EPHA4: variants seen among roughly 807,000 people sequenced by gnomAD.
EPHA4 encodes the protein EPH receptor A4.
A neutral mutation model predicts 108.3 loss-of-function variants in EPHA4; 19 were observed. The observed-to-expected ratio is 0.18, with a 90% CI of 0.12 to 0.26. The LOEUF (loss-of-function observed/expected upper bound fraction) is 0.26. Ranked by LOEUF, EPHA4 falls within the 10% of genes least tolerant of loss-of-function variation. EPHA4 has a pLI of 1.00. For synonymous variants in EPHA4, 449 were observed against 455.5 expected, an observed-to-expected ratio of 0.99 and a Z score of 0.18; for missense variants, 917 against 1,254.0, an observed-to-expected ratio of 0.73 and a Z score of 4.06.
intron 8 of EPHA4, among the ~76,000 whole-genome samples, chr2:221,448,712 TA>T (rs1387797229): frequency 2.0e-5 from 3 of 152,140 alleles, no homozygotes; most frequent in Non-Finnish European, 4.4e-5. Flanking sequence ...CTAAAAGCAT[TA>T]TCTAAAATTA....
intron 3 of EPHA4, among the ~76,000 whole-genome samples, chr2:221,555,178 T>G (rs1694269773): frequency 6.6e-6 from 1 of 151,968 alleles, no homozygotes; most frequent in Admixed American, 6.6e-5. Context: ...GGGGCAGAGG[T>G]GCATAAAAAG....
At chr2:221,566,957 G>GAA (rs1553595972) in intron 2 of EPHA4, among the ~76,000 whole-genome samples, 1,335 of 5,824 alleles carry the variant, frequency 0.23, 415 homozygotes, top group Middle Eastern at 0.5. Flanking sequence ...AAGGAGAAGG[G>GAA]GAAGAGGAAG....
intron 3 of EPHA4, among the ~76,000 whole-genome samples, chr2:221,511,772 T>C (rs974008396): frequency 5.3e-5 from 8 of 152,242 alleles, no homozygotes; most frequent in Admixed American, 5.2e-4. Flanking sequence ...TAGAAGGCAG[T>C]ACAGCAACCT....
chr2:221,505,853 G>C (rs1277004597), intron 3 of EPHA4, among the ~76,000 whole-genome samples: 1 of 152,276 alleles, frequency 6.6e-6, no homozygotes, highest in Non-Finnish European at 1.5e-5. Flanking sequence ...AACCTACTTA[G>C]AAGAATCTGA....
chr2:221,572,405 C>T, upstream of EPHA4: 2 of 488,402 alleles, frequency 4.1e-6, no homozygotes, highest in South Asian at 2.2e-5. Flanking sequence ...GCGGCGCAGA[C>T]AGGGCGGCCG....
chr2:221,471,811 C>A (rs894707861), intron 5 of EPHA4, among the ~76,000 whole-genome samples: 3 of 152,152 alleles, frequency 2.0e-5, no homozygotes, highest in Admixed American at 2.0e-4. Context: ...CTGTTCATGG[C>A]TACAAAAGGA....
At chr2:221,504,856 C>A (rs929437806) in intron 3 of EPHA4, among the ~76,000 whole-genome samples, 19 of 152,104 alleles carry the variant, frequency 1.2e-4, no homozygotes, top group Admixed American at 1.1e-3. Flanking sequence ...TAAGGCCAAG[C>A]ATTTAACTCC....
At chr2:221,440,364 C>T (rs893464392) in intron 11 of EPHA4, among the ~76,000 whole-genome samples, 3 of 152,060 alleles carry the variant, frequency 2.0e-5, no homozygotes, top group Admixed American at 6.6e-5. Context: ...TCACTGTCTG[C>T]GACAGGAAAA....
intron 14 of EPHA4, among the ~76,000 whole-genome samples, chr2:221,430,810 A>G (rs1014771926): frequency 2.0e-4 from 30 of 152,218 alleles, no homozygotes; most frequent in Admixed American, 1.8e-3. Flanking sequence ...AGTAAAAAAC[A>G]ATTAAAAAAA....
At position 221,436,511 on chromosome 2, in the gene EPHA4, C is replaced by T; in HGVS notation, c.2234G>A (p.Arg745His). 6.2e-7 allele frequency: 1 copy of T among 1,614,140 alleles called. No homozygotes were observed. The change falls in exon 13 of 18, where the codon CGT (arginine) becomes CAT (histidine). Residue 745 changes from arginine to histidine, a missense_variant. By Grantham distance (29) the Arg-to-His change is conservative. Transcript: ENST00000281821. ...KYLSDMSYVH[R>H]DLAARNILVN... ...CAGGATGTTCCGTGCGGCCAGATCA[C>T]GATGCACATAGCTCATATCAGATAA...
chr2:221,536,108 C>G (rs1422347185), intron 3 of EPHA4, among the ~76,000 whole-genome samples: 1 of 152,142 alleles, frequency 6.6e-6, no homozygotes. Flanking sequence ...CAAAGATAGT[C>G]CTTCTTATCT....
At chr2:221,456,839 A>T in intron 6 of EPHA4, 67 bp from the exon 7 acceptor site, 1 of 1,576,950 alleles carries the variant, frequency 6.3e-7, no homozygotes. Flanking sequence ...TACTAGGTGC[A>T]ATATTAAAGG....
chr2:221,432,201 T>C (rs1199596611), intron 14 of EPHA4, among the ~76,000 whole-genome samples: 1 of 151,492 alleles, frequency 6.6e-6, no homozygotes, highest in Non-Finnish European at 1.5e-5. Context: ...GATCTGAACA[T>C]ATTTAGGGTA....
chr2:221,525,575 C>T (rs1242608821), intron 3 of EPHA4, among the ~76,000 whole-genome samples: 2 of 152,298 alleles, frequency 1.3e-5, no homozygotes, highest in East Asian at 3.9e-4. Context: ...AATGATGTTG[C>T]TGCCACTTGA....
At chr2:221,451,833 T>A (rs1007306161) in intron 8 of EPHA4, among the ~76,000 whole-genome samples, 1 of 152,204 alleles carries the variant, frequency 6.6e-6, no homozygotes, top group Admixed American at 6.5e-5. Context: ...ATTTAGTAGT[T>A]TGATTCTTTC....
chr2:221,563,650 C>T, intron 3 of EPHA4, 81 bp downstream of exon 3: 2 of 1,510,034 alleles, frequency 1.3e-6, no homozygotes, highest in Non-Finnish European at 1.8e-6. Flanking sequence ...TAATTACTGG[C>T]TTTACTCCAT....
At chr2:221,471,754 C>A (rs1041344467) in intron 5 of EPHA4, among the ~76,000 whole-genome samples, 5 of 152,114 alleles carry the variant, frequency 3.3e-5, no homozygotes, top group African/African-American at 1.2e-4. Context: ...TTGGAGTGTA[C>A]AATGAAGGCT....
intron 3 of EPHA4, among the ~76,000 whole-genome samples, chr2:221,530,696 G>A (rs1693486170): frequency 1.3e-5 from 2 of 152,156 alleles, no homozygotes; most frequent in Admixed American, 6.5e-5. Context: ...TTGGGTTTGG[G>A]GGACACATGG....
At chr2:221,544,512 G>A (rs1255890484) in intron 3 of EPHA4, among the ~76,000 whole-genome samples, 1 of 152,142 alleles carries the variant, frequency 6.6e-6, no homozygotes, top group Non-Finnish European at 1.5e-5. Flanking sequence ...TTTTAGTAGA[G>A]ATGGGGTTTC....
Sources: gnomAD v4.1 joint callset for allele counts (sites outside exome capture counted in the v4.1 genomes callset) on GRCh38, gnomAD v4.1.1 for gene constraint, MANE v1.5 for transcripts, NCBI Gene and HGNC (gene_info 2026-07-23, HGNC 2026-07-21) for gene names.